The following DIP2A variants were observed in gnomAD, a reference collection of about 807,000 sequenced individuals.
DIP2A encodes disco-interacting protein 2 homolog A.
Under a neutral mutation model 177.4 loss-of-function variants are expected in DIP2A, and 85 were observed. That is an observed-to-expected ratio of 0.48 (90% CI 0.40 to 0.57). The LOEUF (loss-of-function observed/expected upper bound fraction) is 0.57. Ranked by LOEUF, DIP2A falls within the 20% of genes least tolerant of loss-of-function variation. The pLI is 0.00. For synonymous variants in DIP2A, 886 were observed against 881.8 expected (o/e 1.00, Z -0.08); for missense variants, 1,791 against 2,100.2 (o/e 0.85, Z 2.88).
Position 46,533,586 on chromosome 21 carries a change from C to A in DIP2A, c.1368C>A (p.Thr456=), listed in dbSNP as rs1335360011. The change falls in exon 11 of 38, where the codon ACC becomes ACA. Residue 456 remains threonine (T), a synonymous_variant. Coordinates refer to ENST00000417564, the MANE Select transcript of DIP2A (RefSeq NM_015151.4). ...GCTGTGGAGTCTTCTTGGCCCTGACCACAGACGCTTGTCAGAAAGGCCTCC... is the reference window on the plus strand; with the variant it reads ...GCTGTGGAGTCTTCTTGGCCCTGACAACAGACGCTTGTCAGAAAGGCCTCC... The part of the protein sequence containing the change: ...LGSCGVFLAL[T]TDACQKGLPK... The A allele has an allele frequency of 5.6e-6, 9 of 1,613,880 alleles. No individual in the cohort carries two copies. The highest frequency in any genetic ancestry group is 7.6e-6 in the Non-Finnish European group (9 of 1,179,898).
intron 34 of DIP2A, chr21:46,562,006 C>A: frequency 1.2e-6 from 1 of 836,226 alleles, no homozygotes; most frequent in Non-Finnish European, 1.4e-6. Context: ...TTTAAACACA[C>A]ATCTGAGCTC....
At chr21:46,550,079 A>G in intron 22 of DIP2A, 194 bp downstream of exon 22, 1 of 1,355,786 alleles carries the variant, frequency 7.4e-7, no homozygotes, top group Non-Finnish European at 9.7e-7. Flanking sequence ...GTTATAATTT[A>G]TGAATACAAT....
chr21:46,567,792 T>A lies in DIP2A; in HGVS notation c.*170T>A. 1.3e-6 allele frequency: 1 copy of A among 748,958 alleles called. No individual in the cohort carries two copies. Among genetic ancestry groups the A allele is most frequent in the Non-Finnish European group, 2.0e-6 (1 of 511,412 alleles). The allele number at this position is 748,958 out of a possible 1,614,324, so 46.4% of individuals were successfully genotyped here. A position where few individuals can be genotyped will look rare whatever the true frequency, so the allele number is the denominator to read the frequency against. On this transcript the variant is annotated 3_prime_UTR_variant, in exon 38 of 38. Coordinates refer to ENST00000417564, the MANE Select transcript of DIP2A (RefSeq NM_015151.4). Reference sequence around the variant, plus strand: ...TTTAGAAAGCACTTCCTGAATTATTTAAAGAAATATTTTGAATCTGCCAAG... The same window carrying A: ...TTTAGAAAGCACTTCCTGAATTATTAAAAGAAATATTTTGAATCTGCCAAG...
chr21:46,549,805 G>T lies in DIP2A; in HGVS notation c.2557G>T (p.Asp853Tyr). The part of the protein sequence containing the change: ...AVFSVTVLHD[D>Y]RIVLVAEQRP... ...GTTCTCTGTGACCGTGCTGCACGAC[G>T]ACCGGATTGTCCTGGTGGCTGAGCA... Residue 853 changes from aspartate (D) to tyrosine (Y), a missense_variant, in exon 22 of 38, where the codon GAC becomes TAC. By Grantham distance (160) the Asp-to-Tyr change is radical (BLOSUM62 -3). Transcript: ENST00000417564. 6.2e-7 allele frequency: 1 copy of T among 1,613,664 alleles called. No homozygotes were observed.
At chr21:46,572,825 C>T (rs1454540358), downstream of DIP2A, among the ~76,000 whole-genome samples, 1 of 152,140 alleles carries the variant, frequency 6.6e-6, no homozygotes, top group African/African-American at 2.4e-5. Flanking sequence ...GATTTTAATC[C>T]TTTATACTGT....
At chr21:46,516,923 TAC>T (rs1210728319) in intron 8 of DIP2A, among the ~76,000 whole-genome samples, 3 of 152,214 alleles carry the variant, frequency 2.0e-5, no homozygotes, top group South Asian at 2.1e-4. Flanking sequence ...CATTATTCCA[TAC>T]ACTTTCCTAA....
In DIP2A at chr21:46,565,736, T is replaced by C; in HGVS notation, c.4188T>C (p.Asn1396=). The part of the protein sequence containing the change: ...LGEIWVSSPH[N]ATGYYTVYGE... ...AGATCTGGGTAAGCAGCCCCCACAA[T>C]GCCACCGGGTACTACACCGTTTACG... Residue 1396 remains asparagine (N), a synonymous_variant, in exon 36 of 38, where the codon AAT becomes AAC. Coordinates refer to ENST00000417564, the MANE Select transcript of DIP2A (RefSeq NM_015151.4). The C allele has an allele frequency of 6.2e-7, 1 of 1,612,932 alleles. No individual in the cohort carries two copies. The highest frequency in any genetic ancestry group is 1.1e-5 in the South Asian group (1 of 91,012).
intron 8 of DIP2A, among the ~76,000 whole-genome samples, chr21:46,517,080 T>G (rs2058618693): frequency 7.1e-6 from 1 of 140,562 alleles, no homozygotes; most frequent in South Asian, 2.3e-4. Context: ...TTTTTTTTTT[T>G]TGAGACAGAG....
intron 5 of DIP2A, among the ~76,000 whole-genome samples, chr21:46,501,620 A>G (rs1318493086): frequency 6.6e-6 from 1 of 152,040 alleles, no homozygotes; most frequent in African/African-American, 2.4e-5. Context: ...TGGAGTTTTT[A>G]CTGTGTTGCC....
intron 3 of DIP2A, among the ~76,000 whole-genome samples, chr21:46,496,353 A>G (rs1318097063): frequency 1.3e-5 from 2 of 152,180 alleles, no homozygotes; most frequent in East Asian, 3.9e-4. Flanking sequence ...TATCAACAAT[A>G]TGAGAGAGTT....
At chr21:46,477,386 G>C (rs2055944565) in intron 1 of DIP2A, among the ~76,000 whole-genome samples, 1 of 151,612 alleles carries the variant, frequency 6.6e-6, no homozygotes, top group African/African-American at 2.4e-5. Flanking sequence ...AATTAACGGG[G>C]CGTGGTGGCA....
At chr21:46,482,929 C>T (rs755082597) in intron 1 of DIP2A, among the ~76,000 whole-genome samples, 9 of 152,180 alleles carry the variant, frequency 5.9e-5, no homozygotes, top group Admixed American at 2.6e-4. Context: ...AAAAGTTGTG[C>T]ACAAGTTGAA....
chr21:46,529,706 C>G (rs969815418), intron 9 of DIP2A, among the ~76,000 whole-genome samples: 20 of 151,344 alleles, frequency 1.3e-4, no homozygotes, highest in Admixed American at 1.3e-3. Context: ...ATTGTTTGTC[C>G]ACTGTTTCTT....
At chr21:46,490,003 G>A (rs954211795) in intron 2 of DIP2A, among the ~76,000 whole-genome samples, 2 of 152,204 alleles carry the variant, frequency 1.3e-5, no homozygotes, top group African/African-American at 4.8e-5. Context: ...GAGCAAGTGG[G>A]TGGTGCGGCG....
intron 9 of DIP2A, among the ~76,000 whole-genome samples, chr21:46,530,501 G>C (rs1314842378): frequency 6.6e-6 from 1 of 152,172 alleles, no homozygotes; most frequent in Non-Finnish European, 1.5e-5. Flanking sequence ...TAAAAAGTGA[G>C]TATTAATATT....
intron 2 of DIP2A, among the ~76,000 whole-genome samples, chr21:46,486,020 G>A (rs1270493741): frequency 2.9e-5 from 4 of 140,038 alleles, no homozygotes; most frequent in East Asian, 2.3e-4. Context: ...GCAGTGAGCC[G>A]AGATTGTGCC....
rs1433621781 is a variant in DIP2A, at chr21:46,529,182, G to T, written c.1193G>T (p.Arg398Ile). 6 of 1,508,678 alleles carry T rather than the reference G, an allele frequency of 4.0e-6. No individual in the cohort carries two copies. Among genetic ancestry groups the T allele is most frequent in the Non-Finnish European group, 5.4e-6 (6 of 1,118,110 alleles). 93.5% of individuals were successfully genotyped at this position (1,508,678 alleles called of 1,614,324 possible). A position where few individuals can be genotyped will look rare whatever the true frequency, so the allele number is the denominator to read the frequency against. The change falls in exon 9 of 38, where the codon AGA becomes ATA. Residue 398 changes from arginine to isoleucine, a missense_variant and splice_region_variant. Physicochemically the swap from Arg to Ile is moderately conservative, Grantham distance 97. Transcript: ENST00000417564. ...KNEPLLKPGD[R>I]VALVFPNSDP... ...GAACCTCTACTTAAACCTGGAGACA[G>T]AGTAAGTAACTAGAATGTCACTTTG...
At chr21:46,461,271 C>CAAAAAAAAAAAA (rs60346777) in intron 1 of DIP2A, among the ~76,000 whole-genome samples, 1,935 of 49,224 alleles carry the variant, frequency 0.039, 343 homozygotes, top group East Asian at 0.12. Context: ...CTCTTCTCAC[C>CAAAAAAAAAAAA]AAAAAAAAAA....
chr21:46,576,566 A>C, the DIP2A span, among the ~76,000 whole-genome samples: 3 of 151,858 alleles, frequency 2.0e-5, no homozygotes, highest in African/African-American at 7.3e-5. Context: ...GCTATTGTGA[A>C]TAGTGCTGCA....
Sources: allele counts gnomAD v4.1 joint callset (sites outside exome capture counted in the v4.1 genomes callset), GRCh38; gene constraint gnomAD v4.1.1; transcripts MANE v1.5; gene names NCBI Gene and HGNC (gene_info 2026-07-23, HGNC 2026-07-21).